The following RNF125 variants were observed in gnomAD, a reference collection of about 807,000 sequenced individuals.
The protein encoded by RNF125 is ring finger protein 125.
Under a neutral mutation model 26.0 loss-of-function variants are expected in RNF125, and 21 were observed. The observed-to-expected ratio is 0.81, with a 90% CI of 0.57 to 1.16. RNF125 has a LOEUF of 1.16. Among genes scored for constraint, RNF125 ranks in the 50% most tolerant of loss-of-function variants. RNF125 has a pLI of 0.00. For synonymous variants in RNF125, 95 were observed against 109.2 expected (o/e 0.87, Z 0.81); for missense variants, 270 against 299.4 (o/e 0.90, Z 0.72).
In RNF125 at chr18:32,064,402, T is replaced by TTC. The variant is rs1555694467; in HGVS notation, c.505-1499_505-1498insCT. Among the ~76,000 whole-genome samples, 19 of 120,948 alleles carry TTC rather than the reference T, an allele frequency of 1.6e-4. 1 individual carries two copies. The highest frequency in any genetic ancestry group is 2.5e-4 in the Admixed American group (3 of 12,196). 79.3% of individuals were successfully genotyped at this position (120,948 alleles called of 152,430 possible). A position where few individuals can be genotyped will look rare whatever the true frequency, so the allele number is the denominator to read the frequency against. On this transcript the variant is annotated intron_variant, in intron 4 of 5. Coordinates refer to ENST00000217740, the MANE Select transcript of RNF125 (RefSeq NM_017831.4). ...GTGAAATCTTTTTCTTTTTCTTTTT[T>TTC]TTTTTTTTTTTTTTTTTGAGACAGA...
chr18:32,037,364 C>CTTTTTT lies in RNF125; in HGVS notation c.318+115_318+120dup, dbSNP rs796828237. On this transcript the variant is annotated intron_variant, in intron 2 of 5. Coordinates refer to ENST00000217740, the MANE Select transcript of RNF125 (RefSeq NM_017831.4). ...CTGCTTCTGACCCCATGGTACGCAC[C>CTTTTTT]TTTTTTTTTTTTTTTTTTTTTTTTT... 123 of 132,866 alleles carry CTTTTTT rather than the reference C, an allele frequency of 9.3e-4. 5 individuals carry two copies. The highest frequency in any genetic ancestry group is 3.2e-3 in the Admixed American group (19 of 5,952). The allele number at this position is 132,866 out of a possible 1,614,324, so 8.2% of individuals were successfully genotyped here.
downstream of RNF125, among the ~76,000 whole-genome samples, chr18:32,074,810 T>C (rs1031223096): frequency 6.6e-6 from 1 of 152,248 alleles, no homozygotes; most frequent in African/African-American, 2.4e-5. Flanking sequence ...CCCAAAGTGC[T>C]GGGATTACAG....
intron 1 of RNF125, 26 bp downstream of exon 1, chr18:32,019,053 C>T (rs757697607): frequency 6.2e-7 from 1 of 1,609,236 alleles, no homozygotes; most frequent in Non-Finnish European, 8.5e-7. Context: ...GCTCGGTTTG[C>T]GCCCACCCCT....
chr18:32,028,272 T>C (rs1485053461), intron 1 of RNF125, among the ~76,000 whole-genome samples: 1 of 126,772 alleles, frequency 7.9e-6, no homozygotes, highest in Non-Finnish European at 1.6e-5. Context: ...CACTCCAGCC[T>C]GGGCAACAGA....
At chr18:32,062,294 T>G (rs1368283042) in intron 4 of RNF125, among the ~76,000 whole-genome samples, 1 of 152,144 alleles carries the variant, frequency 6.6e-6, no homozygotes, top group Non-Finnish European at 1.5e-5. Flanking sequence ...ATGAACAAAT[T>G]TCTATAAGCA....
rs960197640 is a variant in RNF125, at chr18:32,072,317, G to A, written c.*3933G>A. The A allele has an allele frequency of 1.3e-5, 2 of 152,222 alleles. No homozygotes were observed. The highest frequency in any genetic ancestry group is 2.9e-5 in the Non-Finnish European group (2 of 68,036). 9.4% of individuals were successfully genotyped at this position (152,222 alleles called of 1,614,324 possible). A position where few individuals can be genotyped will look rare whatever the true frequency, so the allele number is the denominator to read the frequency against. ...AAAAGAAATGATCATCAGACTGAAA[G>A]TCCAGAGCCTGAGAAATGAAAACAT... is the stretch of plus-strand genomic sequence containing the variant. On this transcript the variant is annotated 3_prime_UTR_variant, in exon 6 of 6. Coordinates refer to ENST00000217740, the MANE Select transcript of RNF125 (RefSeq NM_017831.4).
intron 1 of RNF125, among the ~76,000 whole-genome samples, chr18:32,026,642 A>G (rs1439576936): frequency 1.3e-5 from 2 of 151,606 alleles, no homozygotes; most frequent in African/African-American, 4.9e-5. Context: ...GGGGGTACCC[A>G]CCTCTCCTCA....
At chr18:32,080,581 A>C in the RNF125 span, among the ~76,000 whole-genome samples, 68 of 152,234 alleles carry the variant, frequency 4.5e-4, no homozygotes, top group Non-Finnish European at 9.7e-4. Flanking sequence ...TGGTAGTTGA[A>C]AGTAGAAAAG....
intron 1 of RNF125, among the ~76,000 whole-genome samples, chr18:32,035,269 T>G (rs547956964): frequency 3.1e-4 from 47 of 152,320 alleles, no homozygotes; most frequent in Non-Finnish European, 6.2e-4. Flanking sequence ...ACTGCACAAG[T>G]GAGCATCCTC....
In RNF125 at chr18:32,019,121, A is replaced by T. The variant is rs73413947; in HGVS notation, c.164+94A>T. The T allele has an allele frequency of 9.4e-3, 13,630 of 1,454,482 alleles. 1,039 individuals are homozygous for T. In the African/African-American group the frequency reaches 0.17, roughly 18 times the overall value. The allele number at this position is 1,454,482 out of a possible 1,614,324, so 90.1% of individuals were successfully genotyped here. A position where few individuals can be genotyped will look rare whatever the true frequency, so the allele number is the denominator to read the frequency against. ...GTGTGGGGAAGGAGGGGGACGGAAGACAGCCTCTTAGGAAATTGCTGCAGG... is the reference window on the plus strand; with the variant it reads ...GTGTGGGGAAGGAGGGGGACGGAAGTCAGCCTCTTAGGAAATTGCTGCAGG... On this transcript the variant is annotated intron_variant, in intron 1 of 5. Transcript: ENST00000217740.
In RNF125 at chr18:32,071,445, T is replaced by C. The variant is rs2039533513; in HGVS notation, c.*3061T>C. On this transcript the variant is annotated 3_prime_UTR_variant, in exon 6 of 6. Coordinates refer to ENST00000217740, the MANE Select transcript of RNF125 (RefSeq NM_017831.4). ...CACCGCGCCAGGCAATTGCCCCCAG[T>C]TTTTATTTGATGGCTCTGACTGTTT... 6.6e-6 allele frequency: 1 copy of C among 152,208 alleles called. No individual in the cohort carries two copies. Among genetic ancestry groups the C allele is most frequent in the African/African-American group, 2.4e-5 (1 of 41,444 alleles). 9.4% of individuals were successfully genotyped at this position (152,208 alleles called of 1,614,324 possible).
chr18:32,075,222 C>T (rs1379832660), downstream of RNF125, among the ~76,000 whole-genome samples: 1 of 152,190 alleles, frequency 6.6e-6, no homozygotes, highest in Non-Finnish European at 1.5e-5. Context: ...GCCTGGATCC[C>T]TAGAGCTATC....
intron 1 of RNF125, among the ~76,000 whole-genome samples, chr18:32,032,583 C>G (rs2039108492): frequency 6.6e-6 from 1 of 152,040 alleles, no homozygotes; most frequent in South Asian, 2.1e-4. Context: ...AAGATACTTT[C>G]CATAAACAGT....
In RNF125 at chr18:32,021,387, T is replaced by A. The variant is rs372285153; in HGVS notation, c.164+2360T>A. ...GAGCCATGGAGCCCGGCCGTAGCTG[T>A]ATTTTCAAGGCCTGTTGTTTCAGCT... On this transcript the variant is annotated intron_variant, in intron 1 of 5. Coordinates refer to ENST00000217740, the MANE Select transcript of RNF125 (RefSeq NM_017831.4). Among the ~76,000 whole-genome samples, 13 of 152,360 alleles carry A rather than the reference T, an allele frequency of 8.5e-5. No individual in the cohort carries two copies. In the East Asian group the frequency reaches 2.3e-3, roughly 27 times the overall value.
chr18:32,046,874 T>G (rs9959910), intron 4 of RNF125, among the ~76,000 whole-genome samples: 188 of 151,812 alleles, frequency 1.2e-3, no homozygotes, highest in African/African-American at 4.2e-3. Flanking sequence ...GATACATCAT[T>G]GTTTACTTAA....
chr18:32,051,638 A>G (rs1258061081), intron 4 of RNF125, among the ~76,000 whole-genome samples: 2 of 140,302 alleles, frequency 1.4e-5, no homozygotes, highest in Non-Finnish European at 3.1e-5. Context: ...AAAAAAAAAA[A>G]GGCATGATTC....
At chr18:32,034,625 A>T (rs1484273021) in intron 1 of RNF125, among the ~76,000 whole-genome samples, 1 of 152,132 alleles carries the variant, frequency 6.6e-6, no homozygotes, top group Non-Finnish European at 1.5e-5. Context: ...GACATAAAAA[A>T]TTACTGGCCG....
At chr18:32,038,134 C>T (rs1256004817) in intron 2 of RNF125, among the ~76,000 whole-genome samples, 1 of 151,048 alleles carries the variant, frequency 6.6e-6, no homozygotes, top group Non-Finnish European at 1.5e-5. Context: ...CTGCAAGCTC[C>T]GCCTCTCAGG....
intron 4 of RNF125, among the ~76,000 whole-genome samples, chr18:32,051,217 G>A (rs1419274041): frequency 6.6e-6 from 1 of 151,912 alleles, no homozygotes; most frequent in Non-Finnish European, 1.5e-5. Flanking sequence ...TAATTTATTA[G>A]GCTTATGGAG....
Sources: gnomAD v4.1 joint callset for allele counts (sites outside exome capture counted in the v4.1 genomes callset) on GRCh38, gnomAD v4.1.1 for gene constraint, MANE v1.5 for transcripts, NCBI Gene and HGNC (gene_info 2026-07-23, HGNC 2026-07-21) for gene names.